The following ETV5 variants were observed in gnomAD, a reference collection of about 807,000 sequenced individuals.
ETV5 encodes ETS variant transcription factor 5, also known as ETS translocation variant 5.
Under a neutral mutation model 70.0 loss-of-function variants are expected in ETV5, and 10 were observed. The ratio of observed to expected loss-of-function variants is 0.14; its 90% CI spans 0.09 to 0.24. The LOEUF (loss-of-function observed/expected upper bound fraction) is 0.24. ETV5 is among the 10% of genes least tolerant of loss of function. The pLI, the probability that ETV5 is intolerant of heterozygous loss-of-function variation, is 1.00. For synonymous variants in ETV5, 216 were observed against 242.2 expected, an observed-to-expected ratio of 0.89 and a Z score of 1.01; for missense variants, 453 against 651.2, an observed-to-expected ratio of 0.70 and a Z score of 3.31.
At chr3:186,108,101 C>T (rs934001840) in intron 1 of ETV5, among the ~76,000 whole-genome samples, 10 of 151,956 alleles carry the variant, frequency 6.6e-5, no homozygotes, top group African/African-American at 2.2e-4. Context: ...CGGCGCCCGG[C>T]GCTACCAACC....
intron 9 of ETV5, 48 bp downstream of exon 9, chr3:186,064,369 A>G: frequency 6.5e-7 from 1 of 1,550,138 alleles, no homozygotes; most frequent in South Asian, 1.1e-5. Context: ...AGAAAGGAAG[A>G]AAGGAGAGGA....
Position 186,076,201 on chromosome 3 carries a change from A to C in ETV5, c.650+3616T>G, listed in dbSNP as rs554960045. The C allele has an allele frequency of 2.4e-3, 529 of 222,712 alleles. 1 individual carries two copies. The highest frequency in any genetic ancestry group is 3.6e-3 in the Non-Finnish European group (407 of 111,636). The allele number at this position is 222,712 out of a possible 1,614,324, so 13.8% of individuals were successfully genotyped here. A position where few individuals can be genotyped will look rare whatever the true frequency, so the allele number is the denominator to read the frequency against. On this transcript the variant is annotated intron_variant, in intron 7 of 12. Coordinates refer to ENST00000306376, the MANE Select transcript of ETV5 (RefSeq NM_004454.3). ...TCACTGGTATAAATCATGGCTTTCA[A>C]ACACAGTATTTATCTTCTAAAAATA...
chr3:186,068,263 TAA>T (rs1713501096), intron 7 of ETV5, among the ~76,000 whole-genome samples: 1 of 152,192 alleles, frequency 6.6e-6, no homozygotes, highest in Admixed American at 6.5e-5. Flanking sequence ...TGTAAATATA[TAA>T]GGTCTTGGAA....
At chr3:186,103,589 T>C (rs1714514856) in intron 5 of ETV5, among the ~76,000 whole-genome samples, 2 of 149,518 alleles carry the variant, frequency 1.3e-5, no homozygotes, top group Non-Finnish European at 3.0e-5. Flanking sequence ...CAGAACAAAG[T>C]TGGATTACAA....
intron 7 of ETV5, among the ~76,000 whole-genome samples, chr3:186,078,865 T>C (rs1346985771): frequency 6.6e-6 from 1 of 152,086 alleles, no homozygotes; most frequent in African/African-American, 2.4e-5. Flanking sequence ...GACCTTATTT[T>C]TTCCCCTGCA....
chr3:186,089,302 T>TC (rs2150151820), intron 5 of ETV5, among the ~76,000 whole-genome samples: 1 of 152,342 alleles, frequency 6.6e-6, no homozygotes, highest in East Asian at 1.9e-4. Flanking sequence ...GGACACAAGT[T>TC]CTAAAAGCAG....
chr3:186,064,191 C>T lies in ETV5; in HGVS notation c.970+226G>A, dbSNP rs1713378718. The T allele has an allele frequency of 8.7e-6, 5 of 577,836 alleles. No homozygotes were observed. In the South Asian group the frequency reaches 1.1e-4, roughly 12 times the overall value. 35.8% of individuals were successfully genotyped at this position (577,836 alleles called of 1,614,324 possible). A position where few individuals can be genotyped will look rare whatever the true frequency, so the allele number is the denominator to read the frequency against. On this transcript the variant is annotated intron_variant, in intron 9 of 12. Coordinates refer to ENST00000306376, the MANE Select transcript of ETV5 (RefSeq NM_004454.3). ...AGGGGCATGCTTGAAACCCTGCGTG[C>T]AAAATAATTGAAGATTACAATCAAT...
intron 7 of ETV5, among the ~76,000 whole-genome samples, chr3:186,076,834 G>A (rs1456942968): frequency 6.6e-6 from 1 of 152,132 alleles, no homozygotes; most frequent in Non-Finnish European, 1.5e-5. Context: ...TGGATTAAAT[G>A]ATGTAGGAAT....
intron 9 of ETV5, among the ~76,000 whole-genome samples, chr3:186,063,501 G>C (rs1713361024): frequency 6.6e-6 from 1 of 152,204 alleles, no homozygotes. Flanking sequence ...TGATCTCAGA[G>C]ACTTACTGAA....
At chr3:186,084,168 C>T in intron 5 of ETV5, 1 of 438,788 alleles carries the variant, frequency 2.3e-6, no homozygotes. Context: ...ATAGTATTTA[C>T]CTTTGCACAG....
intron 11 of ETV5, among the ~76,000 whole-genome samples, chr3:186,053,722 C>A (rs946468879): frequency 6.6e-6 from 1 of 152,214 alleles, no homozygotes. Flanking sequence ...ACCCACTCTA[C>A]TCTACCTTTG....
intron 7 of ETV5, among the ~76,000 whole-genome samples, chr3:186,068,369 A>C (rs376179576): frequency 2.9e-4 from 44 of 152,322 alleles, no homozygotes; most frequent in African/African-American, 9.9e-4. Context: ...GTCATATAAA[A>C]CCACAGAAAG....
Position 186,048,806 on chromosome 3 carries a change from A to G in ETV5, c.1366T>C (p.Ser456Pro), listed in dbSNP as rs1712947109. 1 of 1,613,944 alleles carries G rather than the reference A, an allele frequency of 6.2e-7. No homozygotes were observed. ...CGCTGGTTATCCGGGAAAGCCATGG[A>G]GAAGAGGGCATCTGGGTCACAGACA... ...KFVCDPDALFSMAFPDNQRPF... is the reference protein window; with the variant it reads ...KFVCDPDALFPMAFPDNQRPF... Residue 456 changes from serine (S) to proline (P), a missense_variant, in exon 13 of 13, where the codon TCC (serine) becomes CCC (proline). Ser to Pro is a moderately conservative substitution (Grantham distance 74). Transcript: ENST00000306376.
intron 7 of ETV5, among the ~76,000 whole-genome samples, chr3:186,071,171 C>A (rs1371160690): frequency 1.3e-5 from 2 of 151,684 alleles, no homozygotes; most frequent in Non-Finnish European, 2.9e-5. Flanking sequence ...CTGCTGCCAG[C>A]ACACAGAGTA....
Position 186,048,756 on chromosome 3 carries a change from C to T in ETV5, c.1416G>A (p.Glu472=), listed in dbSNP as rs199507291. ...NQRPFLKAES[E]CHLSEEDTLP... ...GGGTGTCCTCCTCGCTGAGGTGGCA[C>T]TCGGACTCTGCCTTCAGGAACGGAC... Residue 472 remains glutamate (E), a synonymous_variant, in exon 13 of 13, where the codon GAG becomes GAA. Transcript: ENST00000306376. 6.2e-7 allele frequency: 1 copy of T among 1,614,146 alleles called. No individual in the cohort carries two copies. The highest frequency in any genetic ancestry group is 1.3e-5 in the African/African-American group (1 of 75,032).
chr3:186,057,459 A>G lies in ETV5; in HGVS notation c.1003T>C (p.Phe335Leu). ...TCAGGCACAACACAAGTGTCGTCAA[A>G]GTATAATCGGGGATCTTTTTCATAT... ...FSYEKDPRLY[F>L]DDTCVVPERL... is the part of the protein sequence containing the mutation. The change falls in exon 10 of 13, where the codon TTT becomes CTT. Residue 335 changes from phenylalanine (F) to leucine (L), a missense_variant. Coordinates refer to ENST00000306376, the MANE Select transcript of ETV5 (RefSeq NM_004454.3). The surrounding 1 kb of genome is among the most constrained non-coding windows in gnomAD (Gnocchi z 4.9). 1 of 1,614,148 alleles carries G rather than the reference A, an allele frequency of 6.2e-7. No homozygotes were observed. Among genetic ancestry groups the G allele is most frequent in the Non-Finnish European group, 8.5e-7 (1 of 1,179,978 alleles).
intron 12 of ETV5, 61 bp downstream of exon 12, chr3:186,051,969 G>T (rs961954769): frequency 1.2e-5 from 18 of 1,524,086 alleles, no homozygotes; most frequent in Non-Finnish European, 1.5e-5. Context: ...CACTACAGAA[G>T]CCCTGGACTT....
intron 5 of ETV5, among the ~76,000 whole-genome samples, chr3:186,102,594 G>A (rs575570659): frequency 4.6e-4 from 66 of 142,472 alleles, no homozygotes; most frequent in Admixed American, 9.6e-4. Flanking sequence ...CCGAGATTGC[G>A]CCATTGCACT....
At chr3:186,071,572 G>A (rs142674330) in intron 7 of ETV5, among the ~76,000 whole-genome samples, 6 of 152,250 alleles carry the variant, frequency 3.9e-5, no homozygotes, top group African/African-American at 1.4e-4. Context: ...TATAAGGCCC[G>A]GCCCTGTTAT....
Sources: gnomAD v4.1 joint callset for allele counts (sites outside exome capture counted in the v4.1 genomes callset) on GRCh38, gnomAD v4.1.1 for gene constraint, Gnocchi (gnomAD v3.1) non-coding constraint, MANE v1.5 for transcripts, NCBI Gene and HGNC (gene_info 2026-07-23, HGNC 2026-07-21) for gene names.